The following COL4A5 variants were observed in gnomAD, a reference collection of about 807,000 sequenced individuals.
The protein encoded by COL4A5 is collagen alpha-5(IV) chain.
COL4A5 carries 26 observed loss-of-function variants against 130.2 expected under a neutral mutation model. The ratio of observed to expected loss-of-function variants is 0.20; its 90% CI spans 0.15 to 0.28. COL4A5 has a LOEUF of 0.28. COL4A5 is among the 10% of genes least tolerant of loss of function. The pLI is 1.00. For synonymous variants in COL4A5, 496 were observed against 439.6 expected, an observed-to-expected ratio of 1.13 and a Z score of -1.60; for missense variants, 1,131 against 1,344.3, an observed-to-expected ratio of 0.84 and a Z score of 2.48.
chrX:108,630,655 T>G (rs2067238207), intron 36 of COL4A5, among the ~76,000 whole-genome samples: 1 of 112,181 alleles, frequency 8.9e-6, no homozygotes, highest in African/African-American at 3.2e-5. Context: ...AGCTCTTTAG[T>G]TTAATTAGAT....
At chrX:108,679,341 C>G (rs1373877804) in intron 44 of COL4A5, among the ~76,000 whole-genome samples, 1 of 111,860 alleles carries the variant, frequency 8.9e-6, no homozygotes, top group Non-Finnish European at 1.9e-5. Context: ...TGTTTCAACT[C>G]TAGCACTACC....
rs2066062460 is a variant in COL4A5, at chrX:108,571,387, T to C, written c.385-26T>C. 3 of 1,130,595 alleles carry C rather than the reference T, an allele frequency of 2.7e-6. No individual in the cohort carries two copies. In the East Asian group the frequency reaches 9.0e-5, roughly 34 times the overall value. The allele number at this position is 1,130,595 out of a possible 1,213,427, so 93.2% of individuals were successfully genotyped here. Reference sequence around the variant, plus strand: ...TTATTCTTTGTTTCTTGTTCCTCCATGCTCTTTATTTTTAACTCCTTCTAG... The same window carrying C: ...TTATTCTTTGTTTCTTGTTCCTCCACGCTCTTTATTTTTAACTCCTTCTAG... On this transcript the variant is annotated intron_variant, in intron 6 of 52. Transcript: ENST00000328300.
At chrX:108,531,584 A>G (rs147423627) in intron 1 of COL4A5, among the ~76,000 whole-genome samples, 1,222 of 110,378 alleles carry the variant, frequency 0.011, 19 homozygotes, top group African/African-American at 0.037. Flanking sequence ...AAGTTAGCAG[A>G]AGAAAAAAAA....
intron 9 of COL4A5, among the ~76,000 whole-genome samples, chrX:108,575,138 G>T (rs774722274): frequency 9.0e-6 from 1 of 111,428 alleles, no homozygotes; most frequent in Non-Finnish European, 1.9e-5. Context: ...TCTAAGTATA[G>T]AATTGCTAGA....
chrX:108,656,535 C>T (rs182935400), intron 37 of COL4A5, among the ~76,000 whole-genome samples: 1 of 111,734 alleles, frequency 8.9e-6, no homozygotes, highest in Admixed American at 9.5e-5. Flanking sequence ...AGTAGAAATA[C>T]TGAATCACAG....
intron 2 of COL4A5, among the ~76,000 whole-genome samples, chrX:108,556,773 C>T (rs1287065426): frequency 1.8e-5 from 2 of 110,955 alleles, no homozygotes; most frequent in African/African-American, 3.3e-5. Flanking sequence ...ACCACATCCT[C>T]GCTCAAGGCT....
intron 47 of COL4A5, among the ~76,000 whole-genome samples, chrX:108,682,773 C>G (rs1208927047): frequency 2.7e-5 from 3 of 111,047 alleles, no homozygotes; most frequent in Non-Finnish European, 5.7e-5. Context: ...TGTTTAAGTT[C>G]CTTGTAGATT....
chrX:108,443,936 A>G (rs2064426501), intron 1 of COL4A5, among the ~76,000 whole-genome samples: 1 of 112,270 alleles, frequency 8.9e-6, no homozygotes, highest in Non-Finnish European at 1.9e-5. Flanking sequence ...CAACATTTTT[A>G]CATTTATTAA....
At chrX:108,653,823 G>A (rs1355003022) in intron 36 of COL4A5, among the ~76,000 whole-genome samples, 1 of 111,394 alleles carries the variant, frequency 9.0e-6, no homozygotes, top group Non-Finnish European at 1.9e-5. Flanking sequence ...AAACACCTAA[G>A]ATGGGACCAA....
chrX:108,670,623 A>G (rs1488824409), intron 42 of COL4A5: 2 of 332,819 alleles, frequency 6.0e-6, no homozygotes, highest in Non-Finnish European at 1.1e-5. Context: ...TTTAAACAAT[A>G]ATATGTATTA....
chrX:108,591,325 G>A (rs776156315), intron 20 of COL4A5, 94 bp downstream of exon 20: 11 of 886,328 alleles, frequency 1.2e-5, no homozygotes, highest in Admixed American at 1.1e-4. Context: ...CATTTGTTGC[G>A]TTTCTGATAT....
intron 30 of COL4A5, among the ~76,000 whole-genome samples, chrX:108,617,781 A>G (rs2066958224): frequency 1.8e-5 from 2 of 111,861 alleles, no homozygotes; most frequent in African/African-American, 6.5e-5. Flanking sequence ...CAAACGTGTT[A>G]TAGTGTGTGT....
chrX:108,450,987 C>T (rs1456310243), intron 1 of COL4A5, among the ~76,000 whole-genome samples: 98 of 106,283 alleles, frequency 9.2e-4, no homozygotes, highest in Middle Eastern at 4.7e-3. Flanking sequence ...AATGCTATCC[C>T]TCCCCACTCC....
chrX:108,488,871 A>G (rs1228476269), intron 1 of COL4A5, among the ~76,000 whole-genome samples: 5 of 111,612 alleles, frequency 4.5e-5, no homozygotes, highest in African/African-American at 1.3e-4. Context: ...ATCCAGGAAC[A>G]CTTTGTGTTT....
In COL4A5 at chrX:108,578,320, G is replaced by A; in HGVS notation, c.717G>A (p.Gly239=). The change falls in exon 13 of 53, where the codon GGG becomes GGA. Residue 239 remains glycine (G), a synonymous_variant. Coordinates refer to ENST00000328300, the MANE Select transcript of COL4A5 (RefSeq NM_033380.3). ...KGEQGLQGPP[G]PPGQISEQKR... is the part of the protein sequence containing the mutation. The stretch of plus-strand genomic sequence containing the variant: ...AGCAAGGTCTTCAGGGCCCACCTGG[G>A]CCACCTGGGCAGATCAGTGAACAGA... The A allele has an allele frequency of 8.3e-7, 1 of 1,210,901 alleles. No individual in the cohort carries two copies. Among genetic ancestry groups the A allele is most frequent in the Non-Finnish European group, 1.1e-6 (1 of 894,718 alleles).
chrX:108,532,168 G>T (rs2065393849), intron 1 of COL4A5, among the ~76,000 whole-genome samples: 1 of 111,619 alleles, frequency 9.0e-6, no homozygotes, highest in Non-Finnish European at 1.9e-5. Flanking sequence ...CCCTGGTGAA[G>T]ATTGATTGAA....
intron 38 of COL4A5, 107 bp downstream of exon 38, chrX:108,665,694 A>T: frequency 1.8e-6 from 1 of 562,193 alleles, no homozygotes; most frequent in Non-Finnish European, 3.0e-6. Flanking sequence ...AACACAAGGA[A>T]ATATAGTGTT....
Position 108,539,742 on chromosome X carries a change from A to G in COL4A5, c.82-4A>G, listed in dbSNP as rs761942249. ...GATTTTTTCCCTCTTTCTCTTCCTTATAGGCTTGCTATGGGTGTTCTCCAG... is the reference window on the plus strand; with the variant it reads ...GATTTTTTCCCTCTTTCTCTTCCTTGTAGGCTTGCTATGGGTGTTCTCCAG... On this transcript the variant is annotated splice_region_variant and splice_polypyrimidine_tract_variant and intron_variant, in intron 1 of 52. Coordinates refer to ENST00000328300, the MANE Select transcript of COL4A5 (RefSeq NM_033380.3). 3 of 1,206,093 alleles carry G rather than the reference A, an allele frequency of 2.5e-6. No individual in the cohort carries two copies. The highest frequency in any genetic ancestry group is 3.0e-5 in the East Asian group (1 of 33,761).
chrX:108,589,277 C>A (rs948105097), intron 19 of COL4A5, among the ~76,000 whole-genome samples: 1 of 110,197 alleles, frequency 9.1e-6, no homozygotes, highest in Non-Finnish European at 1.9e-5. Flanking sequence ...ATAGTAGCCA[C>A]TAGAGAAGAA....
Sources: gnomAD v4.1 joint callset for allele counts (sites outside exome capture counted in the v4.1 genomes callset) on GRCh38, gnomAD v4.1.1 for gene constraint, MANE v1.5 for transcripts, NCBI Gene and HGNC (gene_info 2026-07-23, HGNC 2026-07-21) for gene names.